NRXN1: variants seen among roughly 807,000 people sequenced by gnomAD.
NRXN1 encodes the protein neurexin 1.
NRXN1 carries 39 observed loss-of-function variants against 150.9 expected under a neutral mutation model. The observed-to-expected ratio is 0.26, with a 90% CI of 0.20 to 0.34. The LOEUF (loss-of-function observed/expected upper bound fraction) is 0.34, where lower values mean the gene tolerates loss of function less well. NRXN1 is among the 10% of genes least tolerant of loss of function. The pLI, the probability that NRXN1 is intolerant of heterozygous loss-of-function variation, is 1.00. For missense variants in NRXN1, 1,815 were observed against 1,949.9 expected (o/e 0.93, Z 1.30); for synonymous variants, 924 against 757.0 (o/e 1.22, Z -3.62).
chr2:50,342,346 AG>A (rs1189489853), intron 17 of NRXN1, among the ~76,000 whole-genome samples: 3 of 152,362 alleles, frequency 2.0e-5, no homozygotes, highest in Non-Finnish European at 4.4e-5. Context: ...AAGAATCCAA[AG>A]TAAGGAAAAG....
intron 5 of NRXN1, among the ~76,000 whole-genome samples, chr2:50,732,665 G>T (rs1372864733): frequency 6.6e-6 from 1 of 152,022 alleles, no homozygotes. Context: ...CTTTAAATCC[G>T]TATCTCAAAG....
At chr2:50,788,862 T>C (rs542973673) in intron 5 of NRXN1, among the ~76,000 whole-genome samples, 1 of 151,726 alleles carries the variant, frequency 6.6e-6, no homozygotes, top group South Asian at 2.1e-4. Flanking sequence ...ATAAGCACTA[T>C]GATAAGGGTA....
intron 21 of NRXN1, among the ~76,000 whole-genome samples, chr2:50,020,027 TTCAGAGGAGCATGTAGTGCAC>T (rs140596820): frequency 0.019 from 2,827 of 148,224 alleles, 94 homozygotes; most frequent in African/African-American, 0.066. Flanking sequence ...ATAAGGTGGT[TTCAGAGGAGCATGTAGTGCAC>T]TATTGAAGCT....
At chr2:50,960,651 G>T (rs1031349266) in intron 2 of NRXN1, among the ~76,000 whole-genome samples, 2 of 151,812 alleles carry the variant, frequency 1.3e-5, no homozygotes, top group African/African-American at 4.8e-5. Context: ...TTTACCTTTA[G>T]CTTCTCAGGC....
At chr2:50,025,226 C>T (rs1388019696) in intron 21 of NRXN1, among the ~76,000 whole-genome samples, 1 of 152,140 alleles carries the variant, frequency 6.6e-6, no homozygotes, top group East Asian at 1.9e-4. Flanking sequence ...CTGCGATGTT[C>T]CTTTTAACTG....
chr2:50,832,633 T>G (rs1671570364), intron 5 of NRXN1, among the ~76,000 whole-genome samples: 1 of 152,032 alleles, frequency 6.6e-6, no homozygotes, highest in African/African-American at 2.4e-5. Flanking sequence ...CAACTCCAGC[T>G]TGGGCGACAG....
intron 5 of NRXN1, among the ~76,000 whole-genome samples, chr2:50,630,762 G>GA (rs1452742207): frequency 6.6e-6 from 1 of 151,622 alleles, no homozygotes; most frequent in Non-Finnish European, 1.5e-5. Context: ...ATCAATATAT[G>GA]AAAAAACAAA....
intron 5 of NRXN1, among the ~76,000 whole-genome samples, chr2:50,861,000 A>G (rs934524726): frequency 6.6e-6 from 1 of 151,992 alleles, no homozygotes; most frequent in Non-Finnish European, 1.5e-5. Context: ...ATTTGGGGAG[A>G]GGAGGGGATT....
chr2:50,093,917 A>C (rs756330903), intron 18 of NRXN1, among the ~76,000 whole-genome samples: 6 of 152,190 alleles, frequency 3.9e-5, no homozygotes, highest in Non-Finnish European at 1.5e-5. Flanking sequence ...TCATTACACC[A>C]GGCTGAGTTT....
At chr2:50,475,797 A>T (rs1170321222) in intron 15 of NRXN1, among the ~76,000 whole-genome samples, 1 of 151,952 alleles carries the variant, frequency 6.6e-6, no homozygotes, top group Non-Finnish European at 1.5e-5. Flanking sequence ...AAACTCCTTT[A>T]GTGGTCTGAG....
intron 17 of NRXN1, among the ~76,000 whole-genome samples, chr2:50,297,574 C>T (rs2073735493): frequency 6.6e-6 from 1 of 152,118 alleles, no homozygotes; most frequent in Admixed American, 6.6e-5. Flanking sequence ...TCAGCTCTGC[C>T]CTATTTCAAC....
At chr2:50,600,480 A>G (rs1430431597) in intron 8 of NRXN1, among the ~76,000 whole-genome samples, 3 of 151,972 alleles carry the variant, frequency 2.0e-5, no homozygotes, top group Admixed American at 2.0e-4. Flanking sequence ...GTGTGCCACC[A>G]TGTCCGGCTA....
At chr2:50,350,616 A>C (rs949554674) in intron 17 of NRXN1, among the ~76,000 whole-genome samples, 1 of 152,210 alleles carries the variant, frequency 6.6e-6, no homozygotes, top group South Asian at 2.1e-4. Flanking sequence ...GGAATGGATA[A>C]GGCTGGGACT....
chr2:50,610,642 C>CAT (rs71404969), intron 8 of NRXN1, among the ~76,000 whole-genome samples: 2,920 of 42,772 alleles, frequency 0.068, 194 homozygotes, highest in Middle Eastern at 0.1. Context: ...TAAATAGATA[C>CAT]ATATATATAT....
At chr2:50,952,296 C>T (rs1309596751) in intron 2 of NRXN1, among the ~76,000 whole-genome samples, 4 of 151,962 alleles carry the variant, frequency 2.6e-5, no homozygotes, top group Non-Finnish European at 5.9e-5. Context: ...GAATATGAGA[C>T]CCTGTCAAAA....
chr2:50,435,831 T>C (rs909723324), intron 17 of NRXN1, among the ~76,000 whole-genome samples: 1 of 151,998 alleles, frequency 6.6e-6, no homozygotes, highest in Admixed American at 6.6e-5. Context: ...AGGGTGAGAA[T>C]TGAAAAACTA....
At chr2:50,445,339 C>A (rs142860002) in intron 17 of NRXN1, among the ~76,000 whole-genome samples, 162 of 152,310 alleles carry the variant, frequency 1.1e-3, no homozygotes, top group Non-Finnish European at 1.6e-3. Flanking sequence ...GTACGTGAAT[C>A]TCTCAGTGCA....
chr2:50,786,125 A>G (rs1705080066), intron 5 of NRXN1, among the ~76,000 whole-genome samples: 1 of 152,082 alleles, frequency 6.6e-6, no homozygotes, highest in Admixed American at 6.6e-5. Flanking sequence ...GATGTTAACT[A>G]TCCAAGATTT....
At chr2:50,291,413 C>T (rs181134867) in intron 17 of NRXN1, among the ~76,000 whole-genome samples, 177 of 152,154 alleles carry the variant, frequency 1.2e-3, no homozygotes, top group African/African-American at 3.9e-3. Context: ...GGCATTTGGG[C>T]CAGATTTGTA....
Sources: allele counts gnomAD v4.1 joint callset (sites outside exome capture counted in the v4.1 genomes callset), GRCh38; gene constraint gnomAD v4.1.1; transcripts MANE v1.5; gene names NCBI Gene and HGNC (gene_info 2026-07-23, HGNC 2026-07-21).